Variants in CCDC66 observed in about 807,000 individuals in gnomAD.
The protein encoded by CCDC66 is coiled-coil domain containing 66.
In CCDC66, 133 loss-of-function variants were observed where a neutral mutation model predicts 128.3. The observed-to-expected ratio is 1.04, with a 90% CI of 0.90 to 1.20. The LOEUF (loss-of-function observed/expected upper bound fraction) is 1.20, where lower values mean the gene tolerates loss of function less well. Ranked by LOEUF, CCDC66 falls within the 50% of genes most tolerant of loss-of-function variation. The pLI, the probability that CCDC66 is intolerant of heterozygous loss-of-function variation, is 0.00. For synonymous variants in CCDC66, 387 were observed against 357.0 expected, an observed-to-expected ratio of 1.08 and a Z score of -0.95; for missense variants, 1,126 against 1,075.5, an observed-to-expected ratio of 1.05 and a Z score of -0.66.
At chr3:56,566,107 C>CTTTTGTTTTGT (rs1553662674) in intron 4 of CCDC66, among the ~76,000 whole-genome samples, 7 of 148,822 alleles carry the variant, frequency 4.7e-5, no homozygotes, top group Non-Finnish European at 7.4e-5. Context: ...CTTCAGTTTC[C>CTTTTGTTTTGT]TTTGTTTTGT....
chr3:56,604,645 G>A (rs906033115), intron 10 of CCDC66, among the ~76,000 whole-genome samples: 37 of 151,756 alleles, frequency 2.4e-4, no homozygotes, highest in Admixed American at 2.0e-3. Flanking sequence ...TCTGCAGAGA[G>A]ATCCGCTGTT....
intron 6 of CCDC66, chr3:56,569,564 C>G (rs1216774183): frequency 6.5e-6 from 1 of 153,460 alleles, no homozygotes; most frequent in African/African-American, 2.4e-5. Flanking sequence ...CCCTTAGGCC[C>G]CACCTCCAAC....
chr3:56,580,177 C>T (rs370874992), intron 7 of CCDC66, among the ~76,000 whole-genome samples: 1 of 151,866 alleles, frequency 6.6e-6, no homozygotes, highest in East Asian at 2.0e-4. Context: ...CCTTCTTTGT[C>T]TCTTTTGATC....
At position 56,566,711 on chromosome 3, in the gene CCDC66, TAAATG is replaced by T; in HGVS notation, c.665_669del (p.Asn222ThrfsTer6). 6.2e-7 allele frequency: 1 copy of T among 1,613,890 alleles called. No homozygotes were observed. Among genetic ancestry groups the T allele is most frequent in the Non-Finnish European group, 8.5e-7 (1 of 1,179,880 alleles). ...GTCCCAGCTGAAAATAAATCTGTCT[TAAATG>T]AACATCAGGAGACATCTAAACAGTG... On this transcript the variant is annotated frameshift_variant, in exon 5 of 18. Coordinates refer to ENST00000394672, the MANE Select transcript of CCDC66 (RefSeq NM_001141947.3). LOFTEE classifies it high-confidence loss of function.
chr3:56,620,075 G>C, intron 17 of CCDC66, 174 bp downstream of exon 17: 1 of 543,072 alleles, frequency 1.8e-6, no homozygotes, highest in South Asian at 3.2e-5. Context: ...CCTAAGACTT[G>C]CTTTTACACT....
At chr3:56,609,035 A>G (rs1030332147) in intron 10 of CCDC66, among the ~76,000 whole-genome samples, 7 of 152,058 alleles carry the variant, frequency 4.6e-5, no homozygotes, top group Non-Finnish European at 8.8e-5. Flanking sequence ...CATATAGTCT[A>G]TTTTGGAGAA....
intron 7 of CCDC66, among the ~76,000 whole-genome samples, chr3:56,584,816 G>C (rs1474540689): frequency 1.3e-5 from 2 of 151,936 alleles, no homozygotes; most frequent in African/African-American, 4.8e-5. Context: ...AGCACTGAGT[G>C]AACGAGACTC....
At chr3:56,567,436 C>A (rs535452310) in intron 6 of CCDC66, among the ~76,000 whole-genome samples, 16 of 152,134 alleles carry the variant, frequency 1.1e-4, no homozygotes, top group African/African-American at 3.9e-4. Context: ...AGTTTAGGGG[C>A]CAAGGGAAAA....
intron 7 of CCDC66, among the ~76,000 whole-genome samples, chr3:56,579,286 A>G (rs1172092536): frequency 6.6e-6 from 1 of 151,058 alleles, no homozygotes; most frequent in African/African-American, 2.4e-5. Flanking sequence ...CATCTATTTG[A>G]TTCTTCTCTC....
In CCDC66 at chr3:56,619,265, A is replaced by T. The variant is rs766417276; in HGVS notation, c.2379-6A>T. Reference sequence around the variant, plus strand: ...CACAATTTTTTACTATTTTTTTTTTAAATAGGTCTCCATCATCACCAGTTC... The same window carrying T: ...CACAATTTTTTACTATTTTTTTTTTTAATAGGTCTCCATCATCACCAGTTC... On this transcript the variant is annotated splice_region_variant and splice_polypyrimidine_tract_variant and intron_variant, in intron 15 of 17. Coordinates refer to ENST00000394672, the MANE Select transcript of CCDC66 (RefSeq NM_001141947.3). 1.8e-5 allele frequency: 28 copies of T among 1,538,106 alleles called. No individual in the cohort carries two copies. Among genetic ancestry groups the T allele is most frequent in the South Asian group, 6.2e-5 (5 of 80,970 alleles).
rs780089260 is a variant in CCDC66, at chr3:56,617,478, A to C, written c.2210A>C (p.Glu737Ala). ...REEKKVRRQM[E>A]LLHLVEKNNP... ...GAAAAAAAAGTAAGGAGGCAGATGG[A>C]ATTGCTTCATTTGGTAGAAAAAAAT... The change falls in exon 14 of 18, where the codon GAA becomes GCA. Residue 737 changes from glutamate (E) to alanine (A), a missense_variant. Coordinates refer to ENST00000394672, the MANE Select transcript of CCDC66 (RefSeq NM_001141947.3). 80 of 1,613,980 alleles carry C rather than the reference A, an allele frequency of 5.0e-5. No individual in the cohort carries two copies. In the Admixed American group the frequency reaches 7.5e-4, roughly 15 times the overall value.
chr3:56,619,698 C>T (rs553499255), intron 16 of CCDC66, 79 bp from the exon 17 acceptor site: 93 of 1,535,102 alleles, frequency 6.1e-5, no homozygotes, highest in African/African-American at 1.5e-4. Flanking sequence ...TATAATGACT[C>T]CTGACAATAT....
intron 10 of CCDC66, among the ~76,000 whole-genome samples, chr3:56,604,997 T>C (rs2073861461): frequency 6.6e-6 from 1 of 152,040 alleles, no homozygotes; most frequent in Non-Finnish European, 1.5e-5. Context: ...TAATCTTGTC[T>C]TTTTGCTGTA....
At chr3:56,619,970 A>G (rs1414494920) in intron 17 of CCDC66, 69 bp downstream of exon 17, 2 of 1,518,398 alleles carry the variant, frequency 1.3e-6, no homozygotes, top group African/African-American at 3.0e-5. Context: ...GAACCTGTTG[A>G]ACGGTTTGTT....
At chr3:56,583,809 T>C (rs1333275874) in intron 7 of CCDC66, among the ~76,000 whole-genome samples, 3 of 151,916 alleles carry the variant, frequency 2.0e-5, no homozygotes, top group Non-Finnish European at 2.9e-5. Context: ...AATGAGCTGT[T>C]GGGTACACCT....
intron 7 of CCDC66, chr3:56,572,848 A>G (rs1469769246): frequency 6.6e-6 from 1 of 152,406 alleles, no homozygotes; most frequent in Non-Finnish European, 1.5e-5. Flanking sequence ...TCTGAATTGC[A>G]TTTGCCCACA....
intron 7 of CCDC66, among the ~76,000 whole-genome samples, chr3:56,583,061 G>A (rs1204629597): frequency 6.6e-6 from 1 of 151,266 alleles, no homozygotes; most frequent in Non-Finnish European, 1.5e-5. Context: ...GTATTCTGTA[G>A]AGACAGGGTT....
At chr3:56,602,446 T>C (rs1295627844) in intron 10 of CCDC66, among the ~76,000 whole-genome samples, 2 of 151,952 alleles carry the variant, frequency 1.3e-5, no homozygotes, top group African/African-American at 4.8e-5. Context: ...TTTGTTGTTG[T>C]TGTGTCTCTG....
chr3:56,576,350 T>C (rs2067367436), intron 7 of CCDC66, among the ~76,000 whole-genome samples: 1 of 151,520 alleles, frequency 6.6e-6, no homozygotes, highest in Non-Finnish European at 1.5e-5. Flanking sequence ...TTTTTTCTTT[T>C]TGATGCCATT....
Sources: gnomAD v4.1 joint callset for allele counts (sites outside exome capture counted in the v4.1 genomes callset) on GRCh38, gnomAD v4.1.1 for gene constraint, MANE v1.5 for transcripts, NCBI Gene and HGNC (gene_info 2026-07-23, HGNC 2026-07-21) for gene names.